The following TENM2 variants were observed in gnomAD, a reference collection of about 807,000 sequenced individuals.
TENM2 encodes the protein teneurin-2.
In TENM2, 52 loss-of-function variants were observed where a neutral mutation model predicts 245.2. The observed-to-expected ratio is 0.21, with a 90% CI of 0.17 to 0.27. The LOEUF is 0.27. Among genes scored for constraint, TENM2 ranks in the 10% least tolerant of loss-of-function variants. TENM2 has a pLI of 1.00. For missense variants in TENM2, 3,046 were observed against 3,666.8 expected (o/e 0.83, Z 4.37); for synonymous variants, 1,363 against 1,438.9 (o/e 0.95, Z 1.19).
At chr5:167,748,250 G>A (rs572359899) in intron 2 of TENM2, among the ~76,000 whole-genome samples, 2 of 152,090 alleles carry the variant, frequency 1.3e-5, no homozygotes, top group Non-Finnish European at 2.9e-5. Context: ...AAATTATTTT[G>A]TGGTACGGAT....
chr5:167,625,993 C>T (rs937851188), intron 2 of TENM2, among the ~76,000 whole-genome samples: 38 of 152,252 alleles, frequency 2.5e-4, no homozygotes, highest in African/African-American at 7.7e-4. Flanking sequence ...GACATCTCTT[C>T]TATGACCCAA....
At chr5:168,078,380 G>A (rs1791671388) in intron 7 of TENM2, among the ~76,000 whole-genome samples, 1 of 152,228 alleles carries the variant, frequency 6.6e-6, no homozygotes, top group South Asian at 2.1e-4. Flanking sequence ...TCTGTAGGTT[G>A]CCAGTTCACT....
intron 2 of TENM2, among the ~76,000 whole-genome samples, chr5:167,608,774 G>A (rs1228066673): frequency 2.0e-5 from 3 of 152,178 alleles, no homozygotes; most frequent in African/African-American, 7.2e-5. Context: ...GGGTTGTCCA[G>A]TGTTTCCTGA....
At chr5:167,770,916 C>A (rs547920897) in intron 2 of TENM2, among the ~76,000 whole-genome samples, 7 of 152,164 alleles carry the variant, frequency 4.6e-5, no homozygotes, top group African/African-American at 1.4e-4. Context: ...GATAGTACAG[C>A]TTTCTTGGCA....
At chr5:167,168,532 T>A in the TENM2 span, 75 of 152,336 alleles carry the variant, frequency 4.9e-4, no homozygotes, top group African/African-American at 1.8e-3. Context: ...AATAATCACT[T>A]ACTTGTGCTT....
the TENM2 span, among the ~76,000 whole-genome samples, chr5:167,210,761 C>A: frequency 6.6e-6 from 1 of 152,316 alleles, no homozygotes; most frequent in South Asian, 2.1e-4. Context: ...CCGCGCCCGG[C>A]CTTCATTGCA....
intron 3 of TENM2, among the ~76,000 whole-genome samples, chr5:167,921,397 G>A (rs952421887): frequency 7.2e-5 from 11 of 152,196 alleles, no homozygotes; most frequent in African/African-American, 2.2e-4. Context: ...TGAGTTCCTA[G>A]ATGGGAAAAC....
chr5:167,090,658 G>A, the TENM2 span, among the ~76,000 whole-genome samples: 3 of 152,016 alleles, frequency 2.0e-5, no homozygotes, highest in Non-Finnish European at 2.9e-5. Context: ...ATCATACCTC[G>A]GGATTCCAGG....
At chr5:167,503,397 A>G (rs906896805) in intron 2 of TENM2, among the ~76,000 whole-genome samples, 1 of 152,150 alleles carries the variant, frequency 6.6e-6, no homozygotes, top group African/African-American at 2.4e-5. Flanking sequence ...AGGATAAAAA[A>G]TGGTACGGGA....
intron 2 of TENM2, among the ~76,000 whole-genome samples, chr5:167,626,511 A>G (rs1039702750): frequency 2.0e-5 from 3 of 152,220 alleles, no homozygotes; most frequent in African/African-American, 7.2e-5. Flanking sequence ...GCTTATAAAC[A>G]TGAATTTTGC....
intron 2 of TENM2, among the ~76,000 whole-genome samples, chr5:167,658,104 G>A (rs1365256939): frequency 6.6e-6 from 1 of 152,188 alleles, no homozygotes; most frequent in Non-Finnish European, 1.5e-5. Flanking sequence ...CACTTCTGGA[G>A]GCTGGGATGT....
chr5:167,140,052 C>A, the TENM2 span, among the ~76,000 whole-genome samples: 4 of 152,082 alleles, frequency 2.6e-5, no homozygotes, highest in Non-Finnish European at 4.4e-5. Flanking sequence ...TAAAGTTACT[C>A]AACTAAAACG....
intron 8 of TENM2, among the ~76,000 whole-genome samples, chr5:168,092,618 G>A (rs1381675076): frequency 2.0e-5 from 3 of 152,170 alleles, no homozygotes; most frequent in Admixed American, 6.5e-5. Context: ...AGGTACCAAC[G>A]GGGAAGAAAA....
intron 2 of TENM2, among the ~76,000 whole-genome samples, chr5:167,644,913 C>T (rs931048798): frequency 2.6e-5 from 4 of 152,130 alleles, no homozygotes; most frequent in Admixed American, 6.5e-5. Context: ...TGCGAGTGTA[C>T]TTACATGTAT....
the TENM2 span, among the ~76,000 whole-genome samples, chr5:167,001,860 C>T: frequency 2.5e-3 from 381 of 152,030 alleles, 3 homozygotes; most frequent in African/African-American, 8.8e-3. Flanking sequence ...CAAATCTCTT[C>T]GGAGTCTCCA....
chr5:167,276,503 T>G, the TENM2 span, among the ~76,000 whole-genome samples: 2 of 151,982 alleles, frequency 1.3e-5, no homozygotes, highest in Non-Finnish European at 2.9e-5. Flanking sequence ...ATATGAAATA[T>G]TTGAGTTTTT....
intron 7 of TENM2, among the ~76,000 whole-genome samples, chr5:168,090,219 C>CAT (rs929969578): frequency 4.3e-4 from 5 of 11,574 alleles, no homozygotes; most frequent in Non-Finnish European, 7.3e-4. Context: ...CTCCCCCCAC[C>CAT]ACACACACAC....
At chr5:167,831,607 T>C (rs998455884) in intron 2 of TENM2, among the ~76,000 whole-genome samples, 1 of 151,480 alleles carries the variant, frequency 6.6e-6, no homozygotes, top group Non-Finnish European at 1.5e-5. Context: ...CCCACATTAA[T>C]GAATCTTTCT....
At chr5:167,284,398 C>T (rs1771218197), upstream of TENM2, among the ~76,000 whole-genome samples, 1 of 152,050 alleles carries the variant, frequency 6.6e-6, no homozygotes, top group African/African-American at 2.4e-5. Context: ...CCTTCTATAG[C>T]ATAGAGAGAA....
Sources: allele counts gnomAD v4.1 joint callset (sites outside exome capture counted in the v4.1 genomes callset), GRCh38; gene constraint gnomAD v4.1.1; transcripts MANE v1.5; gene names NCBI Gene and HGNC (gene_info 2026-07-23, HGNC 2026-07-21).